Variants in MMP26 observed in about 807,000 individuals in gnomAD.
The protein encoded by MMP26 is matrix metalloproteinase-26.
MMP26 carries 33 observed loss-of-function variants against 31.0 expected under a neutral mutation model. The observed-to-expected ratio is 1.06, with a 90% confidence interval of 0.81 to 1.42. MMP26 has a LOEUF of 1.42. Among genes scored for constraint, MMP26 ranks in the 40% most tolerant of loss-of-function variants. The probability of loss-of-function intolerance (pLI) is 0.00; values close to 1 mark genes in which losing one functional copy is unlikely to be tolerated. For synonymous variants in MMP26, 122 were observed against 114.9 expected (o/e 1.06, Z -0.40); for missense variants, 347 against 316.1 (o/e 1.10, Z -0.74).
rs553849049 is a variant in MMP26 at position 4,825,470 on chromosome 11, A to G, written c.-145+58129A>G. 2.6e-5 allele frequency among the ~76,000 whole-genome samples: 4 copies of G among 152,144 alleles called. No homozygotes were observed. In the South Asian group the frequency reaches 8.3e-4, roughly 32 times the overall value. The stretch of plus-strand genomic sequence containing the variant: ...GTTTCTGTCAGTGTTCCTACAGAGA[A>G]CCTTTGATTTTCATGGCATACCCTG... On this transcript the variant is annotated intron_variant, in intron 2 of 7. Coordinates refer to ENST00000380390, the MANE Select transcript of MMP26 (RefSeq NM_021801.5).
Position 4,908,239 on chromosome 11 carries a change from G to A in MMP26, c.-144-79829G>A, listed in dbSNP as rs764951490. On this transcript the variant is annotated intron_variant, in intron 2 of 7. Coordinates refer to ENST00000380390, the MANE Select transcript of MMP26 (RefSeq NM_021801.5). Reference sequence around the variant, plus strand: ...TGCCGCCCCTTATGAACCCCATTGTGTACTGTGTAAAGACTCGACAAATCT... The same window carrying A: ...TGCCGCCCCTTATGAACCCCATTGTATACTGTGTAAAGACTCGACAAATCT... The A allele has an allele frequency of 2.9e-5, 47 of 1,614,006 alleles. No homozygotes were observed. The Admixed American group carries it at 5.5e-4, about 19-fold the overall frequency.
intron 2 of MMP26, among the ~76,000 whole-genome samples, chr11:4,947,359 T>C (rs1846328330): frequency 8.0e-6 from 1 of 125,406 alleles, no homozygotes; most frequent in African/African-American, 2.7e-5. Flanking sequence ...CAGATTTAAA[T>C]TTTGTATTTA....
At chr11:4,928,098 G>A (rs771053409) in intron 2 of MMP26, among the ~76,000 whole-genome samples, 2 of 146,914 alleles carry the variant, frequency 1.4e-5, no homozygotes, top group Non-Finnish European at 3.0e-5. Flanking sequence ...ACACTTTCTA[G>A]CCATGTGACT....
chr11:4,963,892 G>T (rs1335987952), intron 2 of MMP26, among the ~76,000 whole-genome samples: 2 of 151,958 alleles, frequency 1.3e-5, no homozygotes, highest in Non-Finnish European at 2.9e-5. Context: ...TTTCATGTTT[G>T]TTGGCTGCTT....
intron 2 of MMP26, chr11:4,787,192 G>A (rs964974385): frequency 8.5e-5 from 13 of 152,346 alleles, no homozygotes; most frequent in Admixed American, 6.6e-4. Context: ...TCTAAAGATT[G>A]GTGTAGCAAT....
intron 2 of MMP26, among the ~76,000 whole-genome samples, chr11:4,817,823 T>C (rs1185070022): frequency 6.6e-6 from 1 of 152,170 alleles, no homozygotes; most frequent in African/African-American, 2.4e-5. Context: ...TTGGGTTATA[T>C]GCAGGGCTTC....
intron 2 of MMP26, among the ~76,000 whole-genome samples, chr11:4,893,262 CAA>C (rs1448929181): frequency 7.2e-5 from 11 of 152,028 alleles, no homozygotes; most frequent in African/African-American, 2.7e-4. Context: ...AATGATAAAA[CAA>C]TATTTAATTA....
At chr11:4,932,600 A>C (rs1290994106) in intron 2 of MMP26, among the ~76,000 whole-genome samples, 2 of 152,156 alleles carry the variant, frequency 1.3e-5, no homozygotes, top group Non-Finnish European at 2.9e-5. Flanking sequence ...GAAGATGCCC[A>C]GTTGGTACTA....
At chr11:4,927,330 T>A (rs10500624) in intron 2 of MMP26, among the ~76,000 whole-genome samples, 1 of 152,044 alleles carries the variant, frequency 6.6e-6, no homozygotes, top group South Asian at 2.1e-4. Context: ...CATGATACAA[T>A]TTAAGGTGAG....
At chr11:4,818,925 T>C (rs1849456218) in intron 2 of MMP26, among the ~76,000 whole-genome samples, 1 of 152,192 alleles carries the variant, frequency 6.6e-6, no homozygotes, top group African/African-American at 2.4e-5. Flanking sequence ...AAGAGTATTT[T>C]GTACTCAGAT....
intron 2 of MMP26, among the ~76,000 whole-genome samples, chr11:4,838,224 A>G (rs1040317933): frequency 1.4e-5 from 2 of 144,966 alleles, no homozygotes; most frequent in African/African-American, 2.5e-5. Flanking sequence ...AGGCTGAGGC[A>G]GGAGAATGGC....
intron 2 of MMP26, among the ~76,000 whole-genome samples, chr11:4,774,582 T>G (rs1210511472): frequency 3.3e-5 from 5 of 149,710 alleles, no homozygotes; most frequent in Non-Finnish European, 7.4e-5. Flanking sequence ...GTAGGTTGCC[T>G]GTTCACTCTG....
intron 2 of MMP26, chr11:4,794,366 T>C (rs1424041768): frequency 6.6e-6 from 1 of 152,198 alleles, no homozygotes; most frequent in Non-Finnish European, 1.5e-5. Context: ...ATCGGGTCTC[T>C]GGTGAGCAGG....
chr11:4,919,503 A>G (rs1851150047), intron 2 of MMP26, among the ~76,000 whole-genome samples: 4 of 152,042 alleles, frequency 2.6e-5, no homozygotes, highest in African/African-American at 7.2e-5. Flanking sequence ...GAGATAAGAG[A>G]AAAAGGGGCA....
At chr11:4,723,760 TTG>T (rs1471049735) in intron 1 of MMP26, 9 of 1,458,546 alleles carry the variant, frequency 6.2e-6, no homozygotes, top group Non-Finnish European at 8.6e-6. Flanking sequence ...CTCGAACATG[TTG>T]TCCATGTTGC....
At chr11:4,925,798 A>AGTTT (rs370634374) in intron 2 of MMP26, among the ~76,000 whole-genome samples, 11 of 152,064 alleles carry the variant, frequency 7.2e-5, no homozygotes, top group South Asian at 2.1e-4. Flanking sequence ...AAGTAGGACA[A>AGTTT]GTTTGTTTGT....
intron 2 of MMP26, among the ~76,000 whole-genome samples, chr11:4,872,027 T>A (rs1485677231): frequency 1.3e-5 from 2 of 152,090 alleles, no homozygotes; most frequent in African/African-American, 2.4e-5. Context: ...AGTTTTGGGA[T>A]CTGGTACAAG....
chr11:4,806,949 C>T (rs949969781), intron 2 of MMP26, among the ~76,000 whole-genome samples: 1 of 152,078 alleles, frequency 6.6e-6, no homozygotes, highest in Non-Finnish European at 1.5e-5. Flanking sequence ...GTCGTGGGGA[C>T]AGTCCCCCAG....
chr11:4,961,443 C>T (rs759597164), intron 2 of MMP26, among the ~76,000 whole-genome samples: 10 of 152,148 alleles, frequency 6.6e-5, no homozygotes, highest in African/African-American at 1.4e-4. Flanking sequence ...AATACCCTCA[C>T]GGACACATCC....
Sources: gnomAD v4.1 joint callset for allele counts (sites outside exome capture counted in the v4.1 genomes callset) on GRCh38, gnomAD v4.1.1 for gene constraint, MANE v1.5 for transcripts, NCBI Gene and HGNC (gene_info 2026-07-23, HGNC 2026-07-21) for gene names.